CASC3: variants seen among roughly 807,000 people sequenced by gnomAD.
CASC3 encodes CASC3 exon junction complex subunit.
A neutral mutation model predicts 80.5 loss-of-function variants in CASC3; 30 were observed. That is an observed-to-expected ratio of 0.37 (90% CI 0.28 to 0.51). The LOEUF (loss-of-function observed/expected upper bound fraction) is 0.51. CASC3 is among the 20% of genes least tolerant of loss of function. CASC3 has a pLI of 0.94. For synonymous variants in CASC3, 312 were observed against 333.6 expected (o/e 0.94, Z 0.70); for missense variants, 824 against 922.2 (o/e 0.89, Z 1.38).
chr17:40,156,749 GC>G (rs1481690421), intron 3 of CASC3, among the ~76,000 whole-genome samples: 1 of 151,976 alleles, frequency 6.6e-6, no homozygotes, highest in Non-Finnish European at 1.5e-5. Context: ...AGTTAAGAGT[GC>G]CTATCCTGTC....
intron 11 of CASC3, 45 bp from the exon 12 acceptor site, chr17:40,169,279 G>T (rs1378740532): frequency 2.0e-6 from 3 of 1,477,674 alleles, no homozygotes; most frequent in African/African-American, 1.4e-5. Flanking sequence ...TAGGTTGGAT[G>T]AATTCATTCC....
At chr17:40,158,025 A>T (rs1989196173) in intron 3 of CASC3, among the ~76,000 whole-genome samples, 1 of 152,176 alleles carries the variant, frequency 6.6e-6, no homozygotes, top group African/African-American at 2.4e-5. Flanking sequence ...AGGCAGTGGA[A>T]GGAGAGGCAG....
intron 3 of CASC3, among the ~76,000 whole-genome samples, chr17:40,159,708 C>T (rs1256974441): frequency 1.5e-5 from 2 of 137,918 alleles, no homozygotes; most frequent in Admixed American, 7.4e-5. Flanking sequence ...CCATTCCTGG[C>T]GAATTTTTTT....
At chr17:40,150,399 AAAGT>A (rs910631283) in intron 3 of CASC3, among the ~76,000 whole-genome samples, 11 of 134,758 alleles carry the variant, frequency 8.2e-5, no homozygotes, top group African/African-American at 3.1e-4. Flanking sequence ...TCTGCTTCAA[AAAGT>A]AAGAGTGTGT....
intron 3 of CASC3, among the ~76,000 whole-genome samples, chr17:40,156,845 G>T (rs949067583): frequency 1.3e-5 from 2 of 151,906 alleles, no homozygotes; most frequent in Admixed American, 6.6e-5. Flanking sequence ...TTTGAGACTA[G>T]CCTGGACAAG....
chr17:40,141,410 C>T (rs906595212), intron 2 of CASC3, 160 bp from the exon 3 acceptor site: 12 of 826,720 alleles, frequency 1.5e-5, no homozygotes, highest in Admixed American at 9.1e-5. Context: ...CAGCAAGTTA[C>T]CCTCTGAGCC....
At chr17:40,164,259 C>A in intron 7 of CASC3, 93 bp downstream of exon 7, 2 of 1,011,412 alleles carry the variant, frequency 2.0e-6, no homozygotes, top group Non-Finnish European at 2.8e-6. Flanking sequence ...TGGTGTCTGA[C>A]AAATGTCTAC....
intron 3 of CASC3, among the ~76,000 whole-genome samples, chr17:40,150,515 C>T (rs1830988305): frequency 6.6e-6 from 1 of 151,732 alleles, no homozygotes; most frequent in Admixed American, 6.6e-5. Context: ...GATCCAGTTC[C>T]AGGCATATGG....
At position 40,141,222 on chromosome 17, in the gene CASC3, A is replaced by G. The variant is rs1359802967; in HGVS notation, c.247A>G (p.Ile83Val). Residue 83 changes from isoleucine to valine, a missense_variant, in exon 2 of 14, where the codon ATT becomes GTT. Ile to Val is a conservative substitution (Grantham distance 29). This residue lies in a region of CASC3 where 159 missense variants were observed against 122.2 expected (regional missense o/e 1.30). Transcript: ENST00000264645. ...TTTCTTTCAGGAGAGTGAAGATGGC[A>G]TTGAAGGTGATGGTGAGTAGCATCT... The part of the protein sequence containing the change: ...EESECESEDG[I>V]EGDAVLSDYE... 2 of 1,613,996 alleles carry G rather than the reference A, an allele frequency of 1.2e-6. No individual in the cohort carries two copies. The highest frequency in any genetic ancestry group is 1.7e-6 in the Non-Finnish European group (2 of 1,179,846).
At chr17:40,145,728 A>G (rs1988843034) in intron 3 of CASC3, among the ~76,000 whole-genome samples, 1 of 152,112 alleles carries the variant, frequency 6.6e-6, no homozygotes, top group South Asian at 2.1e-4. Context: ...GTCAAAAAAA[A>G]AAAGTGATGC....
At position 40,140,766 on chromosome 17, in the gene CASC3, A is replaced by G; in HGVS notation, c.218A>G (p.Glu73Gly). ...GAGAGCGGGGGCGCCAAGAGTGCTG[A>G]GGAGTCGGAGTGTGTGAGTGCGCGC... Reference protein sequence around the residue: ...RVESGGAKSAEESECESEDGI... With the variant: ...RVESGGAKSAGESECESEDGI... The change falls in exon 1 of 14, where the codon GAG becomes GGG. Residue 73 changes from glutamate (E) to glycine (G), a missense_variant. Coordinates refer to ENST00000264645, the MANE Select transcript of CASC3 (RefSeq NM_007359.5). 8.4e-7 allele frequency: 1 copy of G among 1,184,430 alleles called. No individual in the cohort carries two copies. 73.4% of individuals were successfully genotyped at this position (1,184,430 alleles called of 1,614,324 possible). A position where few individuals can be genotyped will look rare whatever the true frequency, so the allele number is the denominator to read the frequency against.
chr17:40,171,685 C>G lies in CASC3; in HGVS notation c.*1280C>G, dbSNP rs914618963. 2.2e-5 allele frequency: 23 copies of G among 1,033,926 alleles called. No homozygotes were observed. Among genetic ancestry groups the G allele is most frequent in the South Asian group, 3.7e-5 (1 of 27,200 alleles). 64.0% of individuals were successfully genotyped at this position (1,033,926 alleles called of 1,614,324 possible). On this transcript the variant is annotated 3_prime_UTR_variant, in exon 14 of 14. Coordinates refer to ENST00000264645, the MANE Select transcript of CASC3 (RefSeq NM_007359.5). Reference sequence around the variant, plus strand: ...CTCTGCTGCCTCTGTGGAAGAGATTCCTATTACTGCAGTACATACGTCTGC... The same window carrying G: ...CTCTGCTGCCTCTGTGGAAGAGATTGCTATTACTGCAGTACATACGTCTGC...
intron 3 of CASC3, among the ~76,000 whole-genome samples, chr17:40,158,397 A>G (rs1989204706): frequency 6.6e-6 from 1 of 152,178 alleles, no homozygotes; most frequent in African/African-American, 2.4e-5. Context: ...TTCAGATGTA[A>G]CCCACCAATG....
At chr17:40,151,979 A>G (rs1989021650) in intron 3 of CASC3, among the ~76,000 whole-genome samples, 1 of 152,194 alleles carries the variant, frequency 6.6e-6, no homozygotes, top group African/African-American at 2.4e-5. Flanking sequence ...TTTAACACAT[A>G]CAGTGTGGCA....
intron 3 of CASC3, among the ~76,000 whole-genome samples, chr17:40,159,706 G>T (rs1989243740): frequency 6.8e-6 from 1 of 146,484 alleles, no homozygotes; most frequent in African/African-American, 2.6e-5. Flanking sequence ...CACCATTCCT[G>T]GCGAATTTTT....
intron 3 of CASC3, among the ~76,000 whole-genome samples, chr17:40,153,086 A>G (rs906713546): frequency 6.6e-6 from 1 of 152,092 alleles, no homozygotes. Flanking sequence ...GTAAGTTATT[A>G]TTAACTATGG....
At chr17:40,159,360 T>C (rs1598427270) in intron 3 of CASC3, among the ~76,000 whole-genome samples, 2 of 152,120 alleles carry the variant, frequency 1.3e-5, no homozygotes, top group East Asian at 3.9e-4. Context: ...CTTAAAGTGT[T>C]ATTGAATGTA....
At chr17:40,159,515 A>G (rs746162817) in intron 3 of CASC3, among the ~76,000 whole-genome samples, 9 of 148,278 alleles carry the variant, frequency 6.1e-5, no homozygotes, top group Non-Finnish European at 1.3e-4. Context: ...AGCTGGGACT[A>G]CAGGCACGCA....
intron 3 of CASC3, among the ~76,000 whole-genome samples, chr17:40,156,177 A>G (rs770436915): frequency 4.6e-5 from 7 of 152,180 alleles, no homozygotes; most frequent in Non-Finnish European, 7.4e-5. Context: ...ACATAGGATC[A>G]AGGAAAGAAC....
Sources: allele counts gnomAD v4.1 joint callset (sites outside exome capture counted in the v4.1 genomes callset), GRCh38; gene constraint gnomAD v4.1.1; regional missense constraint gnomAD v4.1.1; transcripts MANE v1.5; gene names NCBI Gene and HGNC (gene_info 2026-07-23, HGNC 2026-07-21).